Variants in FUT9 observed in about 807,000 individuals in gnomAD.
FUT9 encodes 4-galactosyl-N-acetylglucosaminide 3-alpha-L-fucosyltransferase 9.
FUT9 carries 15 observed loss-of-function variants against 29.7 expected under a neutral mutation model. The observed-to-expected ratio is 0.51, with a 90% confidence interval of 0.34 to 0.78. FUT9 has a LOEUF of 0.78. Ranked by LOEUF, FUT9 falls within the 30% of genes least tolerant of loss-of-function variation. The probability of loss-of-function intolerance (pLI) is 0.01; values close to 1 mark genes in which losing one functional copy is unlikely to be tolerated. For synonymous variants in FUT9, 169 were observed against 153.7 expected (o/e 1.10, Z -0.74); for missense variants, 319 against 425.4 (o/e 0.75, Z 2.20).
At chr6:96,110,262 C>G (rs995515430) in intron 1 of FUT9, among the ~76,000 whole-genome samples, 3 of 152,134 alleles carry the variant, frequency 2.0e-5, no homozygotes, top group African/African-American at 7.2e-5. Flanking sequence ...CTTCTGACAT[C>G]TGGTTAAAGC....
intron 2 of FUT9, among the ~76,000 whole-genome samples, chr6:96,118,430 A>G (rs1416757810): frequency 6.6e-6 from 1 of 152,166 alleles, no homozygotes; most frequent in East Asian, 1.9e-4. Flanking sequence ...AACAATTCTT[A>G]TCTCCTAATA....
At position 96,085,215 on chromosome 6, in the gene FUT9, G is replaced by A. The variant is rs570341912; in HGVS notation, c.-97-28824G>A. ...AAGGATGTCTTAGTCCATTTGGGCT[G>A]CTACAACAAAATAGCATACTGTGTA... On this transcript the variant is annotated intron_variant, in intron 1 of 2. Transcript: ENST00000302103. Among the ~76,000 whole-genome samples the A allele has an allele frequency of 2.0e-5, 3 of 152,298 alleles. No individual in the cohort carries two copies. In the East Asian group the frequency reaches 5.8e-4, roughly 29 times the overall value.
At chr6:96,195,253 G>C (rs1217346017) in intron 2 of FUT9, among the ~76,000 whole-genome samples, 1 of 152,158 alleles carries the variant, frequency 6.6e-6, no homozygotes, top group Non-Finnish European at 1.5e-5. Context: ...CTGCAGAAAT[G>C]AATCAGGGAT....
At chr6:96,156,596 G>T (rs1772789809) in intron 2 of FUT9, among the ~76,000 whole-genome samples, 1 of 152,164 alleles carries the variant, frequency 6.6e-6, no homozygotes, top group African/African-American at 2.4e-5. Flanking sequence ...TAGCGTGCAT[G>T]TGGACCCTTA....
At chr6:96,146,874 A>G (rs772671533) in intron 2 of FUT9, among the ~76,000 whole-genome samples, 1 of 152,228 alleles carries the variant, frequency 6.6e-6, no homozygotes, top group Non-Finnish European at 1.5e-5. Context: ...CAATTGTACA[A>G]CACCAAATTT....
chr6:96,082,080 T>C (rs894463748), intron 1 of FUT9, among the ~76,000 whole-genome samples: 15 of 151,978 alleles, frequency 9.9e-5, no homozygotes, highest in African/African-American at 3.4e-4. Context: ...TTTAATCCAC[T>C]TTTATAAATA....
intron 1 of FUT9, among the ~76,000 whole-genome samples, chr6:96,101,425 T>G (rs1298398801): frequency 6.6e-6 from 1 of 151,664 alleles, no homozygotes; most frequent in East Asian, 2.0e-4. Flanking sequence ...GGGGGGTGCC[T>G]GTAATCCCAG....
intron 2 of FUT9, among the ~76,000 whole-genome samples, chr6:96,195,398 A>G (rs1161397760): frequency 2.0e-5 from 3 of 152,182 alleles, no homozygotes; most frequent in African/African-American, 7.2e-5. Flanking sequence ...ACCAGGGATT[A>G]TATATAAGGA....
In FUT9 at chr6:96,212,347, C is replaced by A. The variant is rs1405477077; in HGVS notation, c.*8112C>A. 2 of 412,494 alleles carry A rather than the reference C, an allele frequency of 4.8e-6. No individual in the cohort carries two copies. The highest frequency in any genetic ancestry group is 8.9e-6 in the Non-Finnish European group (2 of 225,512). The allele number at this position is 412,494 out of a possible 1,614,324, so 25.6% of individuals were successfully genotyped here. A position where few individuals can be genotyped will look rare whatever the true frequency, so the allele number is the denominator to read the frequency against. ...GGGACTGTAATGAGATCAGGCTTTTCATTTACTGGTTTTCTGCCTCAAGAG... is the reference window on the plus strand; with the variant it reads ...GGGACTGTAATGAGATCAGGCTTTTAATTTACTGGTTTTCTGCCTCAAGAG... On this transcript the variant is annotated 3_prime_UTR_variant, in exon 3 of 3. Coordinates refer to ENST00000302103, the MANE Select transcript of FUT9 (RefSeq NM_006581.4).
intron 2 of FUT9, among the ~76,000 whole-genome samples, chr6:96,154,857 T>C (rs1772746163): frequency 6.6e-6 from 1 of 152,222 alleles, no homozygotes; most frequent in Non-Finnish European, 1.5e-5. Flanking sequence ...AACTGACAAC[T>C]CCTGTATATG....
intron 1 of FUT9, among the ~76,000 whole-genome samples, chr6:96,026,366 A>G (rs1395277610): frequency 1.3e-5 from 2 of 151,626 alleles, no homozygotes; most frequent in Admixed American, 6.6e-5. Context: ...GAACAAATAT[A>G]TTGTATTTAA....
rs1582310886 is a variant in FUT9, at chr6:96,206,945, A to T, written c.*2710A>T. ...ACTATGACTATAATCACACACTGATAATATGACGCAAGTAGAGGCAGTACT... is the reference window on the plus strand; with the variant it reads ...ACTATGACTATAATCACACACTGATTATATGACGCAAGTAGAGGCAGTACT... On this transcript the variant is annotated 3_prime_UTR_variant, in exon 3 of 3. Transcript: ENST00000302103. The T allele has an allele frequency of 6.0e-6, 1 of 166,974 alleles. No homozygotes were observed. Among genetic ancestry groups the T allele is most frequent in the East Asian group, 1.9e-4 (1 of 5,180 alleles). 10.3% of individuals were successfully genotyped at this position (166,974 alleles called of 1,614,324 possible).
At chr6:96,036,339 A>G (rs1234141749) in intron 1 of FUT9, among the ~76,000 whole-genome samples, 1 of 151,528 alleles carries the variant, frequency 6.6e-6, no homozygotes, top group Non-Finnish European at 1.5e-5. Context: ...ATGAAGAGTA[A>G]ATATATATCT....
chr6:96,142,633 A>C (rs1772485514), intron 2 of FUT9, among the ~76,000 whole-genome samples: 1 of 152,090 alleles, frequency 6.6e-6, no homozygotes, highest in South Asian at 2.1e-4. Flanking sequence ...CCACCTGAGA[A>C]GTTCATTTTT....
intron 1 of FUT9, among the ~76,000 whole-genome samples, chr6:96,026,650 A>G (rs1770174529): frequency 6.6e-6 from 1 of 151,674 alleles, no homozygotes; most frequent in Admixed American, 6.6e-5. Flanking sequence ...AATAATCAAA[A>G]GAAAAAGGTG....
chr6:96,031,693 T>C (rs1770265028), intron 1 of FUT9, among the ~76,000 whole-genome samples: 1 of 151,542 alleles, frequency 6.6e-6, no homozygotes, highest in African/African-American at 2.4e-5. Context: ...AAAAACTTAG[T>C]TATATTGATT....
At chr6:96,092,608 T>C (rs1381482698) in intron 1 of FUT9, among the ~76,000 whole-genome samples, 1 of 152,126 alleles carries the variant, frequency 6.6e-6, no homozygotes, top group Non-Finnish European at 1.5e-5. Context: ...GAATGTGTCT[T>C]GTCACAACTC....
intron 1 of FUT9, among the ~76,000 whole-genome samples, chr6:96,022,135 G>T (rs537922656): frequency 4.1e-4 from 63 of 151,964 alleles, no homozygotes; most frequent in Non-Finnish European, 8.1e-4. Flanking sequence ...GACATGAGAT[G>T]AGCTACAAGA....
chr6:96,139,334 G>A (rs1772417379), intron 2 of FUT9, among the ~76,000 whole-genome samples: 1 of 152,164 alleles, frequency 6.6e-6, no homozygotes, highest in South Asian at 2.1e-4. Flanking sequence ...GTCTTGGGAA[G>A]CTCTGCCCCT....
Sources: gnomAD v4.1 joint callset for allele counts (sites outside exome capture counted in the v4.1 genomes callset) on GRCh38, gnomAD v4.1.1 for gene constraint, MANE v1.5 for transcripts, NCBI Gene and HGNC (gene_info 2026-07-23, HGNC 2026-07-21) for gene names.